The following ABCC3 variants were observed in gnomAD, a reference collection of about 807,000 sequenced individuals.
The protein encoded by ABCC3 is ATP binding cassette subfamily C member 3.
In ABCC3, 121 loss-of-function variants were observed where a neutral mutation model predicts 165.3. The observed-to-expected ratio is 0.73, with a 90% CI of 0.63 to 0.85. The LOEUF (loss-of-function observed/expected upper bound fraction) is 0.85. Among genes scored for constraint, ABCC3 ranks in the 40% least tolerant of loss-of-function variants. The pLI is 0.00. For missense variants in ABCC3, 1,869 were observed against 1,964.1 expected, an observed-to-expected ratio of 0.95 and a Z score of 0.92; for synonymous variants, 733 against 810.1, an observed-to-expected ratio of 0.90 and a Z score of 1.62.
intron 18 of ABCC3, 156 bp from the exon 19 acceptor site, chr17:50,673,313 C>A: frequency 8.1e-7 from 1 of 1,237,324 alleles, no homozygotes; most frequent in Non-Finnish European, 1.1e-6. Flanking sequence ...CTGCGAGGTT[C>A]TGAGCAGGCT....
chr17:50,673,936 C>CT lies in ABCC3; in HGVS notation c.2599+281dup, dbSNP rs1459026755. ...TCTTTCTTTCTTTCTTTCTTTCTTTCTTTCTTTCTTTCTTTCTTTCTTTCT... is the reference window on the plus strand; with the variant it reads ...TCTTTCTTTCTTTCTTTCTTTCTTTCTTTTCTTTCTTTCTTTCTTTCTTTCT... On this transcript the variant is annotated intron_variant, in intron 19 of 30. Coordinates refer to ENST00000285238, the MANE Select transcript of ABCC3 (RefSeq NM_003786.4). 2.0e-4 allele frequency among the ~76,000 whole-genome samples: 3 copies of CT among 15,274 alleles called. No homozygotes were observed. The Admixed American group carries it at 2.5e-3, about 13-fold the overall frequency. 10.0% of individuals were successfully genotyped at this position (15,274 alleles called of 152,430 possible).
chr17:50,683,612 G>A lies in ABCC3; in HGVS notation c.3810G>A (p.Ala1270=), dbSNP rs780766414. Residue 1270 remains alanine, a splice_region_variant and synonymous_variant, in exon 27 of 31, where the codon GCG becomes GCA. Coordinates refer to ENST00000285238, the MANE Select transcript of ABCC3 (RefSeq NM_003786.4). ...VKEYSKTETE[A]PWVVEGSRPP... is the part of the protein sequence containing the mutation. ...ACCCCATCTGCCCCTCCTGCCAGGC[G>A]CCCTGGGTGGTGGAAGGCAGCCGCC... The A allele has an allele frequency of 1.1e-5, 18 of 1,567,042 alleles. No individual in the cohort carries two copies. Among genetic ancestry groups the A allele is most frequent in the East Asian group, 2.3e-5 (1 of 43,186 alleles).
Position 50,675,649 on chromosome 17 carries a change from C to A in ABCC3, c.2733C>A (p.Ser911=). The change falls in exon 21 of 31, where the codon TCC becomes TCA. Residue 911 remains serine (S), a synonymous_variant. Transcript: ENST00000285238. ...KQFMRQLSAL[S]SDGEGQGRPV... is the part of the protein sequence containing the mutation. ...TCCACAGACAGCTGAGTGCCCTGTCCTCAGATGGGGAGGGACAGGGTCGGC... is the reference window on the plus strand; with the variant it reads ...TCCACAGACAGCTGAGTGCCCTGTCATCAGATGGGGAGGGACAGGGTCGGC... The A allele has an allele frequency of 6.4e-7, 1 of 1,570,870 alleles. No homozygotes were observed. Among genetic ancestry groups the A allele is most frequent in the East Asian group, 2.3e-5 (1 of 42,692 alleles).
In ABCC3 at chr17:50,681,992, T is replaced by C. The variant is rs144567502; in HGVS notation, c.3808-1618T>C. On this transcript the variant is annotated intron_variant, in intron 26 of 30. Transcript: ENST00000285238. ...CTGCATGGATACCCATGCTCCTGTCTCTGTATCCTATAAATGTCTGCCCTC... is the reference window on the plus strand; with the variant it reads ...CTGCATGGATACCCATGCTCCTGTCCCTGTATCCTATAAATGTCTGCCCTC... Among the ~76,000 whole-genome samples the C allele has an allele frequency of 2.1e-3, 317 of 152,158 alleles. 2 individuals are homozygous for C. The highest frequency in any genetic ancestry group is 6.5e-3 in the African/African-American group (271 of 41,534).
intron 1 of ABCC3, among the ~76,000 whole-genome samples, chr17:50,642,106 AAG>A (rs1966903931): frequency 6.6e-6 from 1 of 152,202 alleles, no homozygotes. Flanking sequence ...ATGTGAGAGA[AAG>A]AGAAGAATCA....
At chr17:50,639,407 G>A (rs908844384) in intron 1 of ABCC3, among the ~76,000 whole-genome samples, 1 of 152,250 alleles carries the variant, frequency 6.6e-6, no homozygotes, top group African/African-American at 2.4e-5. Context: ...AGTCAGGGAA[G>A]TGGCATTCAG....
intron 6 of ABCC3, among the ~76,000 whole-genome samples, chr17:50,658,838 C>T (rs554608361): frequency 7.9e-5 from 12 of 152,350 alleles, no homozygotes; most frequent in South Asian, 2.1e-4. Flanking sequence ...CGCCTCAGAG[C>T]GGCTTGAGCA....
intron 1 of ABCC3, among the ~76,000 whole-genome samples, chr17:50,644,975 G>A (rs201026558): frequency 6.6e-5 from 10 of 151,938 alleles, no homozygotes; most frequent in Non-Finnish European, 4.4e-5. Flanking sequence ...CCGAGATCAC[G>A]CCACTGCACT....
In ABCC3 at chr17:50,687,647, C is replaced by G. The variant is rs1968047116; in HGVS notation, c.4392C>G (p.Ile1464Met). Residue 1464 changes from isoleucine (I) to methionine (M), a missense_variant, in exon 30 of 31, where the codon ATC becomes ATG. Physicochemically the swap from Ile to Met is conservative, Grantham distance 10. Coordinates refer to ENST00000285238, the MANE Select transcript of ABCC3 (RefSeq NM_003786.4). ...TCGACCTGGAGACTGACAACCTCAT[C>G]CAGGCTACCATCCGCACCCAGTTTG... ...AAIDLETDNL[I>M]QATIRTQFDT... The G allele has an allele frequency of 2.5e-6, 4 of 1,614,136 alleles. No homozygotes were observed. The highest frequency in any genetic ancestry group is 2.5e-6 in the Non-Finnish European group (3 of 1,180,048).
Position 50,661,013 on chromosome 17 carries a change from C to A in ABCC3, c.897C>A (p.Phe299Leu), listed in dbSNP as rs1452654654. 4 of 1,614,010 alleles carry A rather than the reference C, an allele frequency of 2.5e-6. No individual in the cohort carries two copies. Among genetic ancestry groups the A allele is most frequent in the Non-Finnish European group, 3.4e-6 (4 of 1,180,010 alleles). ...GARPRPRKPS[F>L]LKALLATFGS... ...GGCCCAGGCCCCGGAAGCCCTCCTT[C>A]CTGAAGGCCCTGCTGGCCACCTTCG... is the stretch of plus-strand genomic sequence containing the variant. Residue 299 changes from phenylalanine to leucine, a missense_variant, in exon 8 of 31, where the codon TTC (phenylalanine) becomes TTA (leucine). Coordinates refer to ENST00000285238, the MANE Select transcript of ABCC3 (RefSeq NM_003786.4).
Position 50,634,895 on chromosome 17 carries a change from G to T in ABCC3, c.-42G>T. The T allele has an allele frequency of 5.6e-6, 7 of 1,248,602 alleles. No homozygotes were observed. The highest frequency in any genetic ancestry group is 7.0e-6 in the Non-Finnish European group (7 of 996,150). The allele number at this position is 1,248,602 out of a possible 1,614,324, so 77.3% of individuals were successfully genotyped here. ...CGGCGCCCGCTCTGCCCGCCGCTGG[G>T]TCCGACCGCGCTCGCCTTCCTTGCA... On this transcript the variant is annotated 5_prime_UTR_variant, in exon 1 of 31. Coordinates refer to ENST00000285238, the MANE Select transcript of ABCC3 (RefSeq NM_003786.4).
chr17:50,661,421 A>G (rs1435539768), intron 8 of ABCC3, among the ~76,000 whole-genome samples: 2 of 152,254 alleles, frequency 1.3e-5, no homozygotes, highest in Non-Finnish European at 2.9e-5. Context: ...CACAGATGAG[A>G]AAGCAGGAAC....
intron 26 of ABCC3, 110 bp downstream of exon 26, chr17:50,680,009 A>C: frequency 2.7e-6 from 2 of 746,124 alleles, no homozygotes; most frequent in Non-Finnish European, 4.6e-6. Context: ...GGGGCTCTTC[A>C]TTCATTTACC....
chr17:50,665,165 T>A lies in ABCC3; in HGVS notation c.1351T>A (p.Ser451Thr). The change falls in exon 11 of 31, where the codon TCT (serine) becomes ACT (threonine). Residue 451 changes from serine to threonine, a missense_variant. By Grantham distance (58) the Ser-to-Thr change is moderately conservative. Coordinates refer to ENST00000285238, the MANE Select transcript of ABCC3 (RefSeq NM_003786.4). ...IYFLWQNLGP[S>T]VLAGVAFMVL... ...GGTGCCTCCTCAGAACCTAGGTCCC[T>A]CTGTCCTGGCTGGAGTCGCTTTCAT... 6.2e-7 allele frequency: 1 copy of A among 1,614,216 alleles called. No homozygotes were observed.
At chr17:50,686,676 G>C (rs1968027894) in intron 29 of ABCC3, among the ~76,000 whole-genome samples, 1 of 151,954 alleles carries the variant, frequency 6.6e-6, no homozygotes, top group African/African-American at 2.4e-5. Context: ...ACAGAAATCA[G>C]CTCCCCTCCT....
Position 50,665,163 on chromosome 17 carries a change from C to T in ABCC3, c.1349C>T (p.Pro450Leu), listed in dbSNP as rs764648381. 1 of 1,614,192 alleles carries T rather than the reference C, an allele frequency of 6.2e-7. No homozygotes were observed. Among genetic ancestry groups the T allele is most frequent in the Admixed American group, 1.7e-5 (1 of 60,024 alleles). Residue 450 changes from proline to leucine, a missense_variant, in exon 11 of 31, where the codon CCC becomes CTC. Coordinates refer to ENST00000285238, the MANE Select transcript of ABCC3 (RefSeq NM_003786.4). ...AIYFLWQNLG[P>L]SVLAGVAFMV... ...CCGGTGCCTCCTCAGAACCTAGGTC[C>T]CTCTGTCCTGGCTGGAGTCGCTTTC... is the stretch of plus-strand genomic sequence containing the variant.
rs2146644225 is a variant in ABCC3 at position 50,684,802 on chromosome 17, C to G, written c.4207C>G (p.His1403Asp). 6.2e-7 allele frequency: 1 copy of G among 1,614,162 alleles called. No homozygotes were observed. The highest frequency in any genetic ancestry group is 8.5e-7 in the Non-Finnish European group (1 of 1,180,024). ...CATTTGGTGGGCTTTGGAGCTGTCC[C>G]ACCTGCACACGTTTGTGAGCTCCCA... ...EDIWWALELSHLHTFVSSQPA... is the reference protein window; with the variant it reads ...EDIWWALELSDLHTFVSSQPA... The change falls in exon 29 of 31, where the codon CAC (histidine) becomes GAC (aspartate). Residue 1403 changes from histidine (H) to aspartate (D), a missense_variant. Coordinates refer to ENST00000285238, the MANE Select transcript of ABCC3 (RefSeq NM_003786.4).
chr17:50,658,484 G>A lies in ABCC3; in HGVS notation c.662G>A (p.Trp221Ter), dbSNP rs1245056326. The change falls in exon 6 of 31, where the codon TGG (tryptophan) becomes TAG (stop). Residue 221 changes from tryptophan (W) to a stop codon, truncating the protein, a stop_gained. Coordinates refer to ENST00000285238, the MANE Select transcript of ABCC3 (RefSeq NM_003786.4). LOFTEE classifies it high-confidence loss of function. ...SAGFLSRLFF[W>*]WFTKMAIYGY... is the part of the protein sequence containing the mutation. Reference sequence around the variant, plus strand: ...GGCTTTCTCTCCCGCCTGTTTTTCTGGTGGTTCACAAAGTGAGTTGGCTCT... The same window carrying A: ...GGCTTTCTCTCCCGCCTGTTTTTCTAGTGGTTCACAAAGTGAGTTGGCTCT... 4 of 1,614,096 alleles carry A rather than the reference G, an allele frequency of 2.5e-6. No individual in the cohort carries two copies. In the East Asian group the frequency reaches 6.7e-5, roughly 27 times the overall value.
In ABCC3 at chr17:50,653,218, C is replaced by T. The variant is rs988570827; in HGVS notation, c.46-2614C>T. Among the ~76,000 whole-genome samples, 7 of 151,178 alleles carry T rather than the reference C, an allele frequency of 4.6e-5. No homozygotes were observed. In the South Asian group the frequency reaches 6.3e-4, roughly 14 times the overall value. On this transcript the variant is annotated intron_variant, in intron 1 of 30. Coordinates refer to ENST00000285238, the MANE Select transcript of ABCC3 (RefSeq NM_003786.4). Reference sequence around the variant, plus strand: ...AAAATTAGTCAGGCATGGTGGTGGGCGCCTGTAGTCCAAGCTACTCAGGAG... The same window carrying T: ...AAAATTAGTCAGGCATGGTGGTGGGTGCCTGTAGTCCAAGCTACTCAGGAG...
Sources: allele counts gnomAD v4.1 joint callset (sites outside exome capture counted in the v4.1 genomes callset), GRCh38; gene constraint gnomAD v4.1.1; transcripts MANE v1.5; gene names NCBI Gene and HGNC (gene_info 2026-07-23, HGNC 2026-07-21).